Variants in SH3RF1 observed in about 807,000 individuals in gnomAD.
SH3RF1 encodes SH3 domain containing ring finger 1, also known as E3 ubiquitin-protein ligase SH3RF1.
SH3RF1 carries 32 observed loss-of-function variants against 74.0 expected under a neutral mutation model. That is an observed-to-expected ratio of 0.43 (90% confidence interval 0.33 to 0.58). The LOEUF is 0.58. SH3RF1 is among the 20% of genes least tolerant of loss of function. SH3RF1 has a pLI of 0.05. For missense variants in SH3RF1, 954 were observed against 1,130.9 expected, an observed-to-expected ratio of 0.84 and a Z score of 2.24; for synonymous variants, 396 against 439.6, an observed-to-expected ratio of 0.90 and a Z score of 1.24.
chr4:169,178,713 T>C (rs565384755), intron 2 of SH3RF1, among the ~76,000 whole-genome samples: 3 of 152,308 alleles, frequency 2.0e-5, no homozygotes, highest in East Asian at 1.9e-4. Context: ...ACCAGTCCAA[T>C]CAGGCCTAGA....
In SH3RF1 at chr4:169,106,918, A is replaced by T. The variant is rs200582903; in HGVS notation, c.2427T>A (p.Ala809=). The change falls in exon 11 of 12, where the codon GCT becomes GCA. Residue 809 remains alanine (A), a synonymous_variant. Transcript: ENST00000284637. ...ASSLDSAVPI[A]PPPRQACSSL... ...AGGAACAGGCCTGGCGAGGAGGTGG[A>T]GCGATGGGAACTGCGGAGTCCAGGG... The T allele has an allele frequency of 1.1e-5, 17 of 1,613,606 alleles. No individual in the cohort carries two copies. Among genetic ancestry groups the T allele is most frequent in the African/African-American group, 1.3e-5 (1 of 74,944 alleles).
rs552451008 is a variant in SH3RF1, at chr4:169,202,497, C to T, written c.394-45818G>A. Among the ~76,000 whole-genome samples the T allele has an allele frequency of 1.6e-4, 24 of 152,238 alleles. No individual in the cohort carries two copies. In the South Asian group the frequency reaches 4.8e-3, roughly 30 times the overall value. On this transcript the variant is annotated intron_variant, in intron 2 of 11. Coordinates refer to ENST00000284637, the MANE Select transcript of SH3RF1 (RefSeq NM_020870.4). ...CTCATCTGAAGGAGGGGATGTGGTT[C>T]CTTTTAAAGGACAATGTATAATGAA...
At chr4:169,180,158 C>G (rs528285149) in intron 2 of SH3RF1, among the ~76,000 whole-genome samples, 2 of 152,204 alleles carry the variant, frequency 1.3e-5, no homozygotes, top group Non-Finnish European at 2.9e-5. Context: ...TGCAGCAAAA[C>G]GCAACCCAGG....
At chr4:169,113,968 AAG>A (rs1413427149) in intron 10 of SH3RF1, among the ~76,000 whole-genome samples, 1 of 152,142 alleles carries the variant, frequency 6.6e-6, no homozygotes, top group Non-Finnish European at 1.5e-5. Context: ...CAACGGTTGG[AAG>A]GTTGAGTTGA....
intron 4 of SH3RF1, among the ~76,000 whole-genome samples, chr4:169,152,598 G>A (rs765636792): frequency 4.6e-5 from 7 of 152,106 alleles, no homozygotes; most frequent in Admixed American, 1.3e-4. Flanking sequence ...TTAGCCGGAC[G>A]TGGTGGTGCA....
intron 2 of SH3RF1, among the ~76,000 whole-genome samples, chr4:169,189,332 T>C (rs1734660780): frequency 6.6e-6 from 1 of 152,264 alleles, no homozygotes; most frequent in African/African-American, 2.4e-5. Flanking sequence ...ATTAAAACAC[T>C]TTTTAAAAAA....
At chr4:169,249,537 T>C (rs972554811) in intron 2 of SH3RF1, among the ~76,000 whole-genome samples, 1 of 152,200 alleles carries the variant, frequency 6.6e-6, no homozygotes, top group African/African-American at 2.4e-5. Context: ...GCAGCAGAAA[T>C]GGACTAAGAC....
intron 10 of SH3RF1, among the ~76,000 whole-genome samples, chr4:169,109,024 GAC>G (rs1402070699): frequency 6.6e-6 from 1 of 152,222 alleles, no homozygotes; most frequent in Non-Finnish European, 1.5e-5. Flanking sequence ...GAAGTGGTCT[GAC>G]TAAACACCTG....
chr4:169,120,336 G>T (rs1733417280), intron 8 of SH3RF1, among the ~76,000 whole-genome samples: 1 of 152,206 alleles, frequency 6.6e-6, no homozygotes, highest in African/African-American at 2.4e-5. Flanking sequence ...TTGAGTTTGA[G>T]CACTTCTTCA....
Position 169,101,523 on chromosome 4 carries a change from C to T in SH3RF1, c.2499-4836G>A, listed in dbSNP as rs75547475. ...TTAGGATGAGAAAAAGTTCTAGAAA[C>T]GGATAGCAGTGAATGGTTGTATGAC... On this transcript the variant is annotated intron_variant, in intron 11 of 11. Transcript: ENST00000284637. Among the ~76,000 whole-genome samples the T allele has an allele frequency of 6.3e-3, 962 of 152,054 alleles. 17 individuals are homozygous for T. Among genetic ancestry groups the T allele is most frequent in the African/African-American group, 0.022 (922 of 41,458 alleles).
chr4:169,114,517 C>T (rs1733298554), intron 10 of SH3RF1, among the ~76,000 whole-genome samples: 1 of 150,346 alleles, frequency 6.7e-6, no homozygotes, highest in South Asian at 2.1e-4. Flanking sequence ...TGGGGAGTCA[C>T]TATTCTGTCT....
chr4:169,265,236 T>C (rs1276223006), intron 2 of SH3RF1, among the ~76,000 whole-genome samples: 2 of 152,202 alleles, frequency 1.3e-5, no homozygotes, highest in Non-Finnish European at 2.9e-5. Flanking sequence ...CCATTACCTA[T>C]CCAGCAGCTA....
chr4:169,106,857 C>T lies in SH3RF1; in HGVS notation c.2488G>A (p.Val830Ile), dbSNP rs758643871. Reference sequence around the variant, plus strand: ...CGAAGTTGAACTTACCTTTCACAAACGACAGGTCTAGACTCATTCAAGACA... The same window carrying T: ...CGAAGTTGAACTTACCTTTCACAAATGACAGGTCTAGACTCATTCAAGACA... ...GPVLNESRPV[V>I]CERHRVVVSY... The change falls in exon 11 of 12, where the codon GTT becomes ATT. Residue 830 changes from valine to isoleucine, a missense_variant. Val to Ile is a conservative substitution (Grantham distance 29). Around this residue, in one of 3 missense-constraint regions of SH3RF1, gnomAD observed 854 missense variants for 962.5 expected, o/e 0.89. Transcript: ENST00000284637. The T allele has an allele frequency of 1.2e-5, 19 of 1,554,642 alleles. No individual in the cohort carries two copies. Among genetic ancestry groups the T allele is most frequent in the Middle Eastern group, 1.7e-4 (1 of 5,812 alleles).
At chr4:169,108,966 A>G (rs1009116412) in intron 10 of SH3RF1, among the ~76,000 whole-genome samples, 1 of 152,250 alleles carries the variant, frequency 6.6e-6, no homozygotes, top group African/African-American at 2.4e-5. Flanking sequence ...CCAGATCCAG[A>G]GGCAATAAAG....
chr4:169,193,155 A>G (rs1734757009), intron 2 of SH3RF1, among the ~76,000 whole-genome samples: 1 of 151,852 alleles, frequency 6.6e-6, no homozygotes, highest in Non-Finnish European at 1.5e-5. Context: ...GAAGGGAGTG[A>G]GGGATAATAG....
chr4:169,097,540 G>A (rs1732952112), intron 11 of SH3RF1, among the ~76,000 whole-genome samples: 1 of 152,182 alleles, frequency 6.6e-6, no homozygotes, highest in Admixed American at 6.5e-5. Flanking sequence ...TTCCTGTGCA[G>A]AATTACAGCT....
chr4:169,144,389 CAA>C (rs1247631819), intron 4 of SH3RF1, among the ~76,000 whole-genome samples: 1 of 152,280 alleles, frequency 6.6e-6, no homozygotes, highest in East Asian at 1.9e-4. Flanking sequence ...ATTCAATAGG[CAA>C]AGACTTCTGT....
intron 2 of SH3RF1, among the ~76,000 whole-genome samples, chr4:169,267,412 T>C (rs1351800698): frequency 1.3e-5 from 2 of 152,220 alleles, no homozygotes; most frequent in African/African-American, 2.4e-5. Context: ...ATTATCAACT[T>C]GATCACTGGT....
chr4:169,112,370 G>A (rs1358065691), intron 10 of SH3RF1, among the ~76,000 whole-genome samples: 1 of 152,170 alleles, frequency 6.6e-6, no homozygotes, highest in African/African-American at 2.4e-5. Flanking sequence ...ATGCTCTGCT[G>A]ATGAAGCAGA....
Sources: allele counts gnomAD v4.1 joint callset (sites outside exome capture counted in the v4.1 genomes callset), GRCh38; gene constraint gnomAD v4.1.1; regional missense constraint gnomAD v4.1.1; transcripts MANE v1.5; gene names NCBI Gene and HGNC (gene_info 2026-07-23, HGNC 2026-07-21).